The following XKR3 variants were observed in gnomAD, a reference collection of about 807,000 sequenced individuals.
The protein encoded by XKR3 is XK-related protein 3.
Under a neutral mutation model 40.3 loss-of-function variants are expected in XKR3, and 27 were observed. That is an observed-to-expected ratio of 0.67 (90% CI 0.49 to 0.92). The LOEUF (loss-of-function observed/expected upper bound fraction) is 0.92. Among genes scored for constraint, XKR3 ranks in the 40% least tolerant of loss-of-function variants. XKR3 has a pLI of 0.00. For missense variants in XKR3, 472 were observed against 537.6 expected, an observed-to-expected ratio of 0.88 and a Z score of 1.21; for synonymous variants, 193 against 195.4, an observed-to-expected ratio of 0.99 and a Z score of 0.10.
chr22:16,795,894 G>A (rs2060138424), intron 3 of XKR3, among the ~76,000 whole-genome samples: 1 of 152,104 alleles, frequency 6.6e-6, no homozygotes, highest in Non-Finnish European at 1.5e-5. Flanking sequence ...TTGAACCTGG[G>A]AGGTGGAAGT....
At chr22:16,793,073 G>T (rs5748634) in intron 3 of XKR3, among the ~76,000 whole-genome samples, 133,239 of 152,156 alleles carry the variant, frequency 0.88, 58,523 homozygotes, top group Middle Eastern at 0.97. Flanking sequence ...AGTGCAATGG[G>T]GCCATCTTGG....
At chr22:16,786,387 G>A (rs2146138910) in intron 3 of XKR3, among the ~76,000 whole-genome samples, 1 of 152,164 alleles carries the variant, frequency 6.6e-6, no homozygotes, top group East Asian at 1.9e-4. Context: ...CTTTCACTTG[G>A]GTCTTTATTT....
chr22:16,813,251 T>C (rs931343297), intron 1 of XKR3, among the ~76,000 whole-genome samples: 1 of 151,520 alleles, frequency 6.6e-6, no homozygotes, highest in African/African-American at 2.4e-5. Context: ...ACCACTGCAC[T>C]CCAGCCTGGG....
intron 3 of XKR3, among the ~76,000 whole-genome samples, chr22:16,798,655 T>C (rs542277887): frequency 3.4e-4 from 52 of 152,302 alleles, no homozygotes; most frequent in Non-Finnish European, 5.7e-4. Flanking sequence ...CATGTATGTG[T>C]ATGTGGAATA....
At chr22:16,806,383 A>T (rs2060189628) in intron 2 of XKR3, among the ~76,000 whole-genome samples, 1 of 151,804 alleles carries the variant, frequency 6.6e-6, no homozygotes, top group Admixed American at 6.6e-5. Context: ...TTATATTTTT[A>T]AATTTACATG....
chr22:16,788,181 T>C (rs2060098978), intron 3 of XKR3, among the ~76,000 whole-genome samples: 1 of 152,106 alleles, frequency 6.6e-6, no homozygotes, highest in Non-Finnish European at 1.5e-5. Flanking sequence ...TTAAATTACA[T>C]ACTCCTGAAC....
intron 1 of XKR3, among the ~76,000 whole-genome samples, chr22:16,820,196 G>A (rs952837899): frequency 1.3e-5 from 2 of 152,136 alleles, no homozygotes; most frequent in African/African-American, 4.8e-5. Flanking sequence ...CAAAAAAACT[G>A]TACATGAAGG....
At chr22:16,803,906 T>C (rs184819282) in intron 2 of XKR3, among the ~76,000 whole-genome samples, 52 of 152,324 alleles carry the variant, frequency 3.4e-4, no homozygotes, top group African/African-American at 1.1e-3. Context: ...CTTAATAAAC[T>C]TGCTTTCACT....
chr22:16,818,626 C>A (rs2060243330), intron 1 of XKR3, among the ~76,000 whole-genome samples: 1 of 152,100 alleles, frequency 6.6e-6, no homozygotes, highest in South Asian at 2.1e-4. Flanking sequence ...TCTCTGCAGC[C>A]ATGTACAGAG....
intron 1 of XKR3, among the ~76,000 whole-genome samples, chr22:16,818,727 G>A (rs1177613707): frequency 6.6e-6 from 1 of 152,070 alleles, no homozygotes; most frequent in Non-Finnish European, 1.5e-5. Flanking sequence ...TAAAACAGAG[G>A]ACAGCATTCC....
intron 3 of XKR3, among the ~76,000 whole-genome samples, chr22:16,791,903 T>C (rs111685482): frequency 0.12 from 5,882 of 50,202 alleles, 301 homozygotes; most frequent in African/African-American, 0.35. Flanking sequence ...ACTGGTACCA[T>C]TTTCTTTTTG....
chr22:16,797,792 CAAAAAA>C (rs558060655), intron 3 of XKR3, among the ~76,000 whole-genome samples: 1 of 88,012 alleles, frequency 1.1e-5, no homozygotes, highest in Admixed American at 1.2e-4. Flanking sequence ...GACTCTGTCT[CAAAAAA>C]AAAAAAAAAA....
intron 1 of XKR3, among the ~76,000 whole-genome samples, chr22:16,817,308 CTTAGTGT>C (rs926221182): frequency 6.6e-6 from 1 of 151,160 alleles, no homozygotes; most frequent in African/African-American, 2.4e-5. Flanking sequence ...GAGTGTTCCC[CTTAGTGT>C]GTCTTTTTTG....
chr22:16,784,037 CAGG>C lies in XKR3; in HGVS notation c.959_961del (p.Ser320del), dbSNP rs1471310640. ...CAACTGCAGTTTCACTGCTGACCAG[CAGG>C]AGAAGTTGATGGCAGCATATAGCAG... On this transcript the variant is annotated inframe_deletion, in exon 4 of 4. Coordinates refer to ENST00000684488, the MANE Select transcript of XKR3 (RefSeq NM_001386955.1). 2.5e-6 allele frequency: 4 copies of C among 1,614,106 alleles called. No homozygotes were observed. Among genetic ancestry groups the C allele is most frequent in the African/African-American group, 1.3e-5 (1 of 74,942 alleles).
At position 16,794,136 on chromosome 22, in the gene XKR3, A is replaced by G. The variant is rs2060131432; in HGVS notation, c.589+5635T>C. ...CAACTTGAAAAATAAATTTGAGGAG[A>G]CAGTCATGAAAGTCTTCCTCATCAC... On this transcript the variant is annotated intron_variant, in intron 3 of 3. Coordinates refer to ENST00000684488, the MANE Select transcript of XKR3 (RefSeq NM_001386955.1). 2.0e-5 allele frequency among the ~76,000 whole-genome samples: 3 copies of G among 152,312 alleles called. No individual in the cohort carries two copies. In the South Asian group the frequency reaches 6.2e-4, roughly 32 times the overall value.
At chr22:16,791,125 G>T (rs2060113896) in intron 3 of XKR3, among the ~76,000 whole-genome samples, 3 of 152,226 alleles carry the variant, frequency 2.0e-5, no homozygotes, top group African/African-American at 4.8e-5. Context: ...ATTATTCACA[G>T]TAGCCAAGAT....
At chr22:16,792,967 T>C (rs1324688968) in intron 3 of XKR3, among the ~76,000 whole-genome samples, 2 of 152,242 alleles carry the variant, frequency 1.3e-5, no homozygotes, top group Non-Finnish European at 2.9e-5. Flanking sequence ...GAATGGCATA[T>C]ATCTAAATGT....
chr22:16,793,085 T>A (rs113633641), intron 3 of XKR3, among the ~76,000 whole-genome samples: 2,619 of 152,342 alleles, frequency 0.017, 83 homozygotes, highest in African/African-American at 0.06. Flanking sequence ...CCATCTTGGC[T>A]CACCGCAACC....
chr22:16,806,362 C>A (rs1269869724), intron 2 of XKR3, among the ~76,000 whole-genome samples: 1 of 151,132 alleles, frequency 6.6e-6, no homozygotes, highest in African/African-American at 2.4e-5. Flanking sequence ...TTCAAGACTC[C>A]CTTTATATAT....
Sources: allele counts gnomAD v4.1 joint callset (sites outside exome capture counted in the v4.1 genomes callset), GRCh38; gene constraint gnomAD v4.1.1; transcripts MANE v1.5; gene names NCBI Gene and HGNC (gene_info 2026-07-23, HGNC 2026-07-21).